CEP89: variants seen among roughly 807,000 people sequenced by gnomAD.
The protein encoded by CEP89 is centrosomal protein 89.
CEP89 carries 95 observed loss-of-function variants against 97.6 expected under a neutral mutation model. That is an observed-to-expected ratio of 0.97 (90% CI 0.82 to 1.15). CEP89 has a LOEUF of 1.15. CEP89 is among the 50% of genes most tolerant of loss of function. The probability of loss-of-function intolerance (pLI) is 0.00; values close to 1 mark genes in which losing one functional copy is unlikely to be tolerated. For synonymous variants in CEP89, 354 were observed against 349.1 expected (o/e 1.01, Z -0.16); for missense variants, 869 against 947.7 (o/e 0.92, Z 1.09).
At chr19:32,958,020 C>CCG (rs1555795376) in intron 3 of CEP89, among the ~76,000 whole-genome samples, 1 of 150,956 alleles carries the variant, frequency 6.6e-6, no homozygotes, top group East Asian at 2.0e-4. Context: ...AAATCCCCCC[C>CCG]CCGCCAAAAA....
chr19:32,891,175 C>T (rs1362652056), intron 16 of CEP89, among the ~76,000 whole-genome samples: 1 of 152,248 alleles, frequency 6.6e-6, no homozygotes, highest in Non-Finnish European at 1.5e-5. Context: ...AACCCCACCC[C>T]CTCCAGCCGC....
intron 9 of CEP89, among the ~76,000 whole-genome samples, chr19:32,929,300 A>G (rs796665066): frequency 7.2e-5 from 11 of 152,284 alleles, no homozygotes; most frequent in African/African-American, 2.6e-4. Context: ...AAAGTCTGCA[A>G]TGGTTTAAAA....
chr19:32,919,136 C>T (rs780217362), intron 12 of CEP89, among the ~76,000 whole-genome samples: 13 of 152,170 alleles, frequency 8.5e-5, no homozygotes, highest in Middle Eastern at 3.4e-3. Flanking sequence ...CTGCCCGCCT[C>T]GGCCTCCCAA....
chr19:32,917,394 G>A (rs1174200475), intron 13 of CEP89, among the ~76,000 whole-genome samples: 2 of 152,138 alleles, frequency 1.3e-5, no homozygotes, highest in Non-Finnish European at 2.9e-5. Flanking sequence ...AACAGGAAGT[G>A]CTAGCCCTGC....
chr19:32,954,379 T>TG (rs1971002688), intron 3 of CEP89, among the ~76,000 whole-genome samples: 1 of 151,802 alleles, frequency 6.6e-6, no homozygotes, highest in Non-Finnish European at 1.5e-5. Flanking sequence ...TTTGTTTTTT[T>TG]TTTGAGACAG....
rs1316387636 is a variant in CEP89 at position 32,876,428 on chromosome 19, TG to T, written c.*2733del. The T allele has an allele frequency of 6.5e-6, 1 of 152,938 alleles. No individual in the cohort carries two copies. Among genetic ancestry groups the T allele is most frequent in the East Asian group, 1.9e-4 (1 of 5,192 alleles). The allele number at this position is 152,938 out of a possible 1,614,324, so 9.5% of individuals were successfully genotyped here. A position where few individuals can be genotyped will look rare whatever the true frequency, so the allele number is the denominator to read the frequency against. ...CTGCTCAGACCAGACACTTGCAGCA[TG>T]GGGAAGGAGGAGCCCCTCCCAGCAG... On this transcript the variant is annotated 3_prime_UTR_variant, in exon 19 of 19. Transcript: ENST00000305768.
chr19:32,924,181 G>A (rs1205930664), intron 11 of CEP89, among the ~76,000 whole-genome samples: 2 of 151,952 alleles, frequency 1.3e-5, no homozygotes, highest in African/African-American at 4.8e-5. Context: ...GTGTATAGAC[G>A]AGGTTTCGCC....
chr19:32,955,603 T>C (rs117043885), intron 3 of CEP89, among the ~76,000 whole-genome samples: 3,631 of 152,222 alleles, frequency 0.024, 78 homozygotes, highest in Non-Finnish European at 0.035. Context: ...CACCTCCGCT[T>C]CCCGCGTTCA....
At chr19:32,881,445 G>A (rs1214081846) in intron 18 of CEP89, among the ~76,000 whole-genome samples, 1 of 152,148 alleles carries the variant, frequency 6.6e-6, no homozygotes, top group Non-Finnish European at 1.5e-5. Context: ...TGGGAGAACC[G>A]CTTGAATCCG....
rs987739017 is a variant in CEP89 at position 32,890,567 on chromosome 19, G to T, written c.1876-2726C>A. On this transcript the variant is annotated intron_variant, in intron 16 of 18. Coordinates refer to ENST00000305768, the MANE Select transcript of CEP89 (RefSeq NM_032816.5). ...GACCACGGGAACTCGACAGGGGAGG[G>T]CTGGGCGGCACCCGCGCAATGAAGG... Among the ~76,000 whole-genome samples the T allele has an allele frequency of 4.6e-5, 7 of 152,272 alleles. No individual in the cohort carries two copies. In the South Asian group the frequency reaches 1.5e-3, roughly 32 times the overall value.
chr19:32,958,260 A>C (rs1426736872), intron 3 of CEP89, among the ~76,000 whole-genome samples: 3 of 152,192 alleles, frequency 2.0e-5, no homozygotes, highest in Non-Finnish European at 4.4e-5. Flanking sequence ...CCTAGAAGGA[A>C]ATACATTAAG....
intron 13 of CEP89, chr19:32,917,939 TA>T: frequency 3.3e-6 from 1 of 301,118 alleles, no homozygotes; most frequent in Non-Finnish European, 4.9e-6. Flanking sequence ...TTCCCATTTC[TA>T]AGGTACTATT....
chr19:32,901,703 C>A (rs1969775720), intron 14 of CEP89, among the ~76,000 whole-genome samples: 1 of 152,140 alleles, frequency 6.6e-6, no homozygotes, highest in African/African-American at 2.4e-5. Context: ...TCATGGCTCA[C>A]TGCAGCTTCG....
At chr19:32,930,185 C>G (rs1970443125) in intron 9 of CEP89, among the ~76,000 whole-genome samples, 1 of 151,998 alleles carries the variant, frequency 6.6e-6, no homozygotes, top group Admixed American at 6.6e-5. Flanking sequence ...ACGACCATGC[C>G]TGGCTAATTT....
intron 6 of CEP89, among the ~76,000 whole-genome samples, chr19:32,937,982 C>T (rs530768291): frequency 1.3e-5 from 2 of 149,304 alleles, no homozygotes; most frequent in East Asian, 3.9e-4. Flanking sequence ...GCTGGGATTA[C>T]ACATGGGCCA....
chr19:32,932,681 T>A (rs377156445), intron 8 of CEP89, among the ~76,000 whole-genome samples: 1 of 151,844 alleles, frequency 6.6e-6, no homozygotes, highest in African/African-American at 2.4e-5. Context: ...GGCTCATATC[T>A]AAAATCCCAG....
intron 16 of CEP89, among the ~76,000 whole-genome samples, chr19:32,896,552 T>C (rs1225145473): frequency 6.6e-6 from 1 of 152,022 alleles, no homozygotes; most frequent in African/African-American, 2.4e-5. Flanking sequence ...TCTAGGACTT[T>C]AGACAAAAAT....
chr19:32,935,167 G>A (rs1164907186), intron 7 of CEP89, among the ~76,000 whole-genome samples: 2 of 152,122 alleles, frequency 1.3e-5, no homozygotes, highest in Non-Finnish European at 2.9e-5. Context: ...AGGAAGAGGG[G>A]TCCCCACGGA....
rs141968456 is a variant in CEP89 at position 32,926,240 on chromosome 19, C to T, written c.1114G>A (p.Ala372Thr). 2.0e-5 allele frequency: 32 copies of T among 1,613,510 alleles called. No individual in the cohort carries two copies. Among genetic ancestry groups the T allele is most frequent in the Non-Finnish European group, 2.6e-5 (31 of 1,179,682 alleles). The part of the protein sequence containing the change: ...DIKYLSPLLL[A>T]YEDMMKEKDE... Reference sequence around the variant, plus strand: ...TTCTCTTTCATCATATCTTCATAAGCCAGCAACAATGGTGACAGGTACTTT... The same window carrying T: ...TTCTCTTTCATCATATCTTCATAAGTCAGCAACAATGGTGACAGGTACTTT... Residue 372 changes from alanine (A) to threonine (T), a missense_variant, in exon 11 of 19, where the codon GCT becomes ACT. Coordinates refer to ENST00000305768, the MANE Select transcript of CEP89 (RefSeq NM_032816.5).
Sources: allele counts gnomAD v4.1 joint callset (sites outside exome capture counted in the v4.1 genomes callset), GRCh38; gene constraint gnomAD v4.1.1; transcripts MANE v1.5; gene names NCBI Gene and HGNC (gene_info 2026-07-23, HGNC 2026-07-21).